Variants in GUCY2C observed in about 807,000 individuals in gnomAD.
GUCY2C encodes the protein guanylate cyclase 2C.
In GUCY2C, 118 loss-of-function variants were observed where a neutral mutation model predicts 131.1. The ratio of observed to expected loss-of-function variants is 0.90; its 90% CI spans 0.78 to 1.05. The LOEUF (loss-of-function observed/expected upper bound fraction) is 1.05. Ranked by LOEUF, GUCY2C falls within the 50% of genes least tolerant of loss-of-function variation. The probability of loss-of-function intolerance (pLI) is 0.00; values close to 1 mark genes in which losing one functional copy is unlikely to be tolerated. For synonymous variants in GUCY2C, 452 were observed against 457.8 expected (o/e 0.99, Z 0.16); for missense variants, 1,161 against 1,304.4 (o/e 0.89, Z 1.69).
chr12:14,619,003 T>C (rs1565603831), intron 24 of GUCY2C: 1 of 511,896 alleles, frequency 2.0e-6, no homozygotes, highest in Non-Finnish European at 3.5e-6. Flanking sequence ...TGAGCAAAAG[T>C]GGAAGAATAA....
At chr12:14,661,728 C>T (rs933306118) in intron 10 of GUCY2C, among the ~76,000 whole-genome samples, 6 of 152,182 alleles carry the variant, frequency 3.9e-5, no homozygotes, top group African/African-American at 1.2e-4. Context: ...CCACCATACC[C>T]AACTAAGACA....
intron 19 of GUCY2C, among the ~76,000 whole-genome samples, chr12:14,632,321 G>T (rs982636506): frequency 3.3e-5 from 5 of 152,124 alleles, no homozygotes; most frequent in Non-Finnish European, 7.4e-5. Flanking sequence ...GTCCTGAATG[G>T]TAATGCCTAG....
chr12:14,652,380 G>A (rs908701345), intron 13 of GUCY2C, among the ~76,000 whole-genome samples: 24 of 151,996 alleles, frequency 1.6e-4, no homozygotes, highest in Non-Finnish European at 3.2e-4. Flanking sequence ...TTGCCATGTT[G>A]GCCGGCCTGG....
At chr12:14,617,874 A>G (rs1946802232) in intron 24 of GUCY2C, among the ~76,000 whole-genome samples, 1 of 152,124 alleles carries the variant, frequency 6.6e-6, no homozygotes, top group Admixed American at 6.6e-5. Context: ...GTAGCTTTCT[A>G]CTCAACTTAT....
intron 11 of GUCY2C, among the ~76,000 whole-genome samples, chr12:14,659,068 C>T (rs7956867): frequency 1.2e-4 from 18 of 149,640 alleles, no homozygotes; most frequent in Admixed American, 1.3e-4. Context: ...TTTTTTGAGA[C>T]GGAGTCTTGC....
At chr12:14,686,327 G>A (rs1381080610) in intron 2 of GUCY2C, 102 bp from the exon 3 acceptor site, 7 of 816,712 alleles carry the variant, frequency 8.6e-6, no homozygotes, top group Non-Finnish European at 1.4e-5. Context: ...TTAGAAAGTT[G>A]GGCCTCCCAA....
intron 9 of GUCY2C, chr12:14,672,243 G>C (rs1001404205): frequency 6.6e-6 from 1 of 152,056 alleles, no homozygotes; most frequent in Non-Finnish European, 1.5e-5. Flanking sequence ...GTTTTTGTTT[G>C]TTTGTGATTA....
chr12:14,658,247 T>C (rs1215010051), intron 11 of GUCY2C, among the ~76,000 whole-genome samples: 1 of 152,238 alleles, frequency 6.6e-6, no homozygotes, highest in Non-Finnish European at 1.5e-5. Context: ...CAAATACCTT[T>C]TCCTAGTTTA....
intron 21 of GUCY2C, among the ~76,000 whole-genome samples, chr12:14,622,911 A>C (rs1162516988): frequency 1.3e-5 from 2 of 152,186 alleles, no homozygotes; most frequent in Non-Finnish European, 1.5e-5. Flanking sequence ...AACCAGAAGA[A>C]GGGACTCCAT....
At chr12:14,650,591 C>T (rs1380933440) in intron 15 of GUCY2C, among the ~76,000 whole-genome samples, 3 of 152,208 alleles carry the variant, frequency 2.0e-5, no homozygotes, top group Non-Finnish European at 4.4e-5. Flanking sequence ...CCATTTTCCT[C>T]TGTGATCTTA....
At chr12:14,690,175 C>T in intron 1 of GUCY2C, among the ~76,000 whole-genome samples, 1 of 152,332 alleles carries the variant, frequency 6.6e-6, no homozygotes, top group East Asian at 1.9e-4. Flanking sequence ...TCACACATTT[C>T]TCCTCTTAGA....
chr12:14,652,052 A>C, intron 13 of GUCY2C, 22 bp from the exon 14 acceptor site: 1 of 1,442,522 alleles, frequency 6.9e-7, no homozygotes, highest in Non-Finnish European at 9.8e-7. Context: ...AATGAAATTT[A>C]GGAGACAGTG....
At chr12:14,673,872 G>T (rs1424644439) in intron 8 of GUCY2C, among the ~76,000 whole-genome samples, 1 of 152,140 alleles carries the variant, frequency 6.6e-6, no homozygotes, top group Non-Finnish European at 1.5e-5. Context: ...TGAAGCAGAA[G>T]TGATCTCTTC....
In GUCY2C at chr12:14,696,301, G is replaced by C. The variant is rs776506885; in HGVS notation, c.148C>G (p.Pro50Ala). 1 of 1,614,110 alleles carries C rather than the reference G, an allele frequency of 6.2e-7. No individual in the cohort carries two copies. Among genetic ancestry groups the C allele is most frequent in the Admixed American group, 1.7e-5 (1 of 60,026 alleles). The change falls in exon 1 of 27, where the codon CCC (proline) becomes GCC (alanine). Residue 50 changes from proline to alanine, a missense_variant. Physicochemically the swap from Pro to Ala is conservative, Grantham distance 27. Transcript: ENST00000261170. ...ACCGCATCTTCCAAGTTTTTCAGGG[G>C]CTCTGCAAAGGCTGAGTTGCCCATC... ...LMMGNSAFAEPLKNLEDAVNE... is the reference protein window; with the variant it reads ...LMMGNSAFAEALKNLEDAVNE...
At chr12:14,650,083 C>G (rs1947611638) in intron 15 of GUCY2C, among the ~76,000 whole-genome samples, 1 of 151,990 alleles carries the variant, frequency 6.6e-6, no homozygotes, top group South Asian at 2.1e-4. Context: ...AAGTGAAAGG[C>G]TTGTATGCTT....
intron 23 of GUCY2C, among the ~76,000 whole-genome samples, chr12:14,620,245 G>A (rs1333781432): frequency 3.3e-5 from 5 of 152,148 alleles, no homozygotes; most frequent in Admixed American, 6.5e-5. Context: ...GTATACTTAC[G>A]TTATAGATAG....
intron 1 of GUCY2C, 151 bp from the exon 2 acceptor site, chr12:14,688,214 T>G: frequency 1.7e-6 from 1 of 603,200 alleles, no homozygotes; most frequent in South Asian, 2.0e-5. Context: ...CCTGGTCACT[T>G]TTTTCCTCTG....
chr12:14,659,912 G>C (rs777281455), intron 11 of GUCY2C, among the ~76,000 whole-genome samples: 51 of 152,146 alleles, frequency 3.4e-4, no homozygotes, highest in Non-Finnish European at 4.7e-4. Flanking sequence ...TATTATCTTT[G>C]ATCTTGTGAT....
chr12:14,659,822 C>G (rs764174929), intron 11 of GUCY2C, among the ~76,000 whole-genome samples: 2 of 152,232 alleles, frequency 1.3e-5, no homozygotes, highest in Admixed American at 6.5e-5. Context: ...GCCAGGCCCC[C>G]TCATGGGCAT....
Sources: gnomAD v4.1 joint callset for allele counts (sites outside exome capture counted in the v4.1 genomes callset) on GRCh38, gnomAD v4.1.1 for gene constraint, MANE v1.5 for transcripts, NCBI Gene and HGNC (gene_info 2026-07-23, HGNC 2026-07-21) for gene names.